The following CRTC3 variants were observed in gnomAD, a reference collection of about 807,000 sequenced individuals.
CRTC3 encodes CREB regulated transcription coactivator 3.
Under a neutral mutation model 74.5 loss-of-function variants are expected in CRTC3, and 26 were observed. The observed-to-expected ratio is 0.35, with a 90% confidence interval of 0.26 to 0.48. The LOEUF is 0.48. Among genes scored for constraint, CRTC3 ranks in the 20% least tolerant of loss-of-function variants. The pLI is 0.99. For synonymous variants in CRTC3, 377 were observed against 325.8 expected (o/e 1.16, Z -1.69); for missense variants, 760 against 787.3 (o/e 0.97, Z 0.41).
At chr15:90,567,001 G>A (rs570022427) in intron 2 of CRTC3, among the ~76,000 whole-genome samples, 8 of 151,972 alleles carry the variant, frequency 5.3e-5, no homozygotes, top group South Asian at 2.1e-4. Context: ...GTGAGCCACC[G>A]TGCCCAGCCT....
Position 90,603,308 on chromosome 15 carries a change from T to TGGTG in CRTC3, c.413+925_413+926insTGGG, listed in dbSNP as rs1356873929. Among the ~76,000 whole-genome samples, 3 of 148,884 alleles carry TGGTG rather than the reference T, an allele frequency of 2.0e-5. No homozygotes were observed. The East Asian group carries it at 6.1e-4, about 30-fold the overall frequency. Reference sequence around the variant, plus strand: ...AATACAAAAAAGTAGCCGGGCGTGGTGGCAGGCGCCTGTAGTCCCAGCTAC... The same window carrying TGGTG: ...AATACAAAAAAGTAGCCGGGCGTGGTGGTGGGCAGGCGCCTGTAGTCCCAGCTAC... On this transcript the variant is annotated intron_variant, in intron 4 of 14. Transcript: ENST00000268184.
At chr15:90,557,189 C>T (rs1370537544) in intron 2 of CRTC3, among the ~76,000 whole-genome samples, 1 of 151,986 alleles carries the variant, frequency 6.6e-6, no homozygotes, top group Non-Finnish European at 1.5e-5. Context: ...ACAAACTTAG[C>T]AAATTTAGCT....
At chr15:90,586,665 G>C (rs769347594) in intron 2 of CRTC3, among the ~76,000 whole-genome samples, 3 of 151,982 alleles carry the variant, frequency 2.0e-5, no homozygotes, top group Non-Finnish European at 4.4e-5. Context: ...TGGCCCTGTA[G>C]AACTTCTTAC....
intron 3 of CRTC3, chr15:90,599,335 T>A (rs1254880165): frequency 5.9e-5 from 9 of 152,214 alleles, no homozygotes; most frequent in Admixed American, 5.9e-4. Flanking sequence ...GCCCTTCCGC[T>A]GGCACGCTGG....
At chr15:90,538,117 G>T (rs1029402024) in intron 1 of CRTC3, among the ~76,000 whole-genome samples, 1 of 152,182 alleles carries the variant, frequency 6.6e-6, no homozygotes, top group Non-Finnish European at 1.5e-5. Flanking sequence ...CCAGTGCCTG[G>T]CATACTACCT....
intron 3 of CRTC3, chr15:90,594,293 C>G (rs2151078213): frequency 6.6e-6 from 1 of 152,362 alleles, no homozygotes; most frequent in Non-Finnish European, 1.5e-5. Context: ...ACACCAAACT[C>G]TGCTGTTAAG....
At chr15:90,573,786 A>T (rs1967334122) in intron 2 of CRTC3, among the ~76,000 whole-genome samples, 1 of 152,244 alleles carries the variant, frequency 6.6e-6, no homozygotes, top group South Asian at 2.1e-4. Context: ...CTAAGATTAA[A>T]GATAAGCAAA....
intron 2 of CRTC3, among the ~76,000 whole-genome samples, chr15:90,558,067 CT>C (rs1818799448): frequency 6.6e-6 from 1 of 152,098 alleles, no homozygotes; most frequent in Non-Finnish European, 1.5e-5. Flanking sequence ...GTTCTGGACA[CT>C]TTTCTCTGTA....
intron 3 of CRTC3, among the ~76,000 whole-genome samples, chr15:90,601,916 T>G (rs1332482204): frequency 1.3e-5 from 2 of 152,132 alleles, no homozygotes; most frequent in East Asian, 1.9e-4. Flanking sequence ...AGCACTCTCC[T>G]TGGTTCTGTT....
intron 8 of CRTC3, among the ~76,000 whole-genome samples, chr15:90,619,181 A>G (rs1567187106): frequency 6.6e-6 from 1 of 152,138 alleles, no homozygotes; most frequent in Non-Finnish European, 1.5e-5. Context: ...TGTCGTCCAG[A>G]CCCAGTGGCT....
rs374447890 is a variant in CRTC3 at position 90,540,078 on chromosome 15, T to A, written c.172T>A (p.Tyr58Asn). The change falls in exon 2 of 15, where the codon TAC (tyrosine) becomes AAC (asparagine). Residue 58 changes from tyrosine to asparagine, a missense_variant. Tyr to Asn is a moderately radical substitution (Grantham distance 143). This residue lies in a region of CRTC3 where 108 missense variants were observed against 152.1 expected (regional missense o/e 0.71). Coordinates refer to ENST00000268184, the MANE Select transcript of CRTC3 (RefSeq NM_022769.5). Reference sequence around the variant, plus strand: ...GCTTCAGCAACTGCGCCTTACACAGTACCATGGAGGATCCTTACCAAATGT... The same window carrying A: ...GCTTCAGCAACTGCGCCTTACACAGAACCATGGAGGATCCTTACCAAATGT... Reference protein sequence around the residue: ...QKLQQLRLTQYHGGSLPNVSQ... With the variant: ...QKLQQLRLTQNHGGSLPNVSQ... 8 of 1,613,496 alleles carry A rather than the reference T, an allele frequency of 5.0e-6. No individual in the cohort carries two copies. Among genetic ancestry groups the A allele is most frequent in the Non-Finnish European group, 6.8e-6 (8 of 1,179,890 alleles).
chr15:90,587,153 G>A (rs1967684136), intron 2 of CRTC3, among the ~76,000 whole-genome samples: 1 of 152,212 alleles, frequency 6.6e-6, no homozygotes. Context: ...ACGAAATCTA[G>A]TTGCAACTTT....
chr15:90,618,448 G>T (rs188574562), intron 8 of CRTC3, among the ~76,000 whole-genome samples: 1 of 152,154 alleles, frequency 6.6e-6, no homozygotes, highest in Non-Finnish European at 1.5e-5. Flanking sequence ...ATTTCCATGC[G>T]CCTTTGAGAA....
In CRTC3 at chr15:90,626,619, T is replaced by TTTTTTTTC. The variant is rs1320804270; in HGVS notation, c.967+633_967+634insCTTTTTTT. Among the ~76,000 whole-genome samples, 668 of 151,360 alleles carry TTTTTTTTC rather than the reference T, an allele frequency of 4.4e-3. 11 individuals carry two copies. Among genetic ancestry groups the TTTTTTTTC allele is most frequent in the African/African-American group, 0.015 (633 of 40,920 alleles). ...TTGTTTGAAGCCTGACACTTTTTTT[T>TTTTTTTTC]TTTTTTTTTTGAGATGGGGTCTTAC... On this transcript the variant is annotated intron_variant, in intron 10 of 14. Coordinates refer to ENST00000268184, the MANE Select transcript of CRTC3 (RefSeq NM_022769.5).
chr15:90,534,260 A>G (rs1443785636), intron 1 of CRTC3, among the ~76,000 whole-genome samples: 2 of 152,100 alleles, frequency 1.3e-5, no homozygotes, highest in East Asian at 1.9e-4. Context: ...GGCTGGAACC[A>G]TTTCAGGGTG....
At chr15:90,587,317 C>T (rs1038706124) in intron 2 of CRTC3, among the ~76,000 whole-genome samples, 4 of 152,156 alleles carry the variant, frequency 2.6e-5, no homozygotes, top group African/African-American at 9.7e-5. Flanking sequence ...TAAACTTCTA[C>T]CTGGAAATCC....
chr15:90,606,161 C>T (rs147795485), intron 5 of CRTC3, among the ~76,000 whole-genome samples: 325 of 151,834 alleles, frequency 2.1e-3, no homozygotes, highest in African/African-American at 7.6e-3. Context: ...GAGGCTGAGG[C>T]GAGAGAGTCG....
Position 90,642,062 on chromosome 15 carries a change from A to G in CRTC3, c.1782A>G (p.Gly594=). ...ELQIEPLSLD[G]LNMLSDSSMG... ...AGATTGAACCCCTGAGCCTGGACGG[A>G]CTCAACATGTTAAGTGACTCCAGCA... Residue 594 remains glycine, a synonymous_variant, in exon 15 of 15, where the codon GGA becomes GGG. Transcript: ENST00000268184. 3 of 1,613,930 alleles carry G rather than the reference A, an allele frequency of 1.9e-6. No individual in the cohort carries two copies. Among genetic ancestry groups the G allele is most frequent in the Non-Finnish European group, 2.5e-6 (3 of 1,180,008 alleles).
intron 11 of CRTC3, among the ~76,000 whole-genome samples, chr15:90,630,345 A>G (rs1202547616): frequency 6.6e-6 from 1 of 152,246 alleles, no homozygotes; most frequent in African/African-American, 2.4e-5. Context: ...GAGAAACAAT[A>G]CTTTTATTGT....
Sources: allele counts gnomAD v4.1 joint callset (sites outside exome capture counted in the v4.1 genomes callset), GRCh38; gene constraint gnomAD v4.1.1; regional missense constraint gnomAD v4.1.1; transcripts MANE v1.5; gene names NCBI Gene and HGNC (gene_info 2026-07-23, HGNC 2026-07-21).